MNAT1: variants seen among roughly 807,000 people sequenced by gnomAD.
MNAT1 encodes the protein CDK-activating kinase assembly factor MAT1.
Under a neutral mutation model 42.0 loss-of-function variants are expected in MNAT1, and 43 were observed. The observed-to-expected ratio is 1.02, with a 90% CI of 0.80 to 1.32. MNAT1 has a LOEUF of 1.32. Ranked by LOEUF, MNAT1 falls within the 40% of genes most tolerant of loss-of-function variation. The probability of loss-of-function intolerance (pLI) is 0.00; values close to 1 mark genes in which losing one functional copy is unlikely to be tolerated. For synonymous variants in MNAT1, 118 were observed against 120.0 expected (o/e 0.98, Z 0.11); for missense variants, 306 against 350.4 (o/e 0.87, Z 1.01).
At chr14:60,819,807 A>T (rs1297727548) in intron 6 of MNAT1, among the ~76,000 whole-genome samples, 2 of 152,096 alleles carry the variant, frequency 1.3e-5, no homozygotes, top group African/African-American at 4.8e-5. Flanking sequence ...TGCCTTTCCA[A>T]TAAGCCTTTT....
At chr14:60,766,613 G>A (rs758866908) in intron 1 of MNAT1, among the ~76,000 whole-genome samples, 8 of 151,628 alleles carry the variant, frequency 5.3e-5, no homozygotes, top group Non-Finnish European at 1.0e-4. Flanking sequence ...TCGGGAGGCT[G>A]AGGCACGAGA....
At chr14:60,760,506 T>C (rs2030556667) in intron 1 of MNAT1, among the ~76,000 whole-genome samples, 1 of 152,366 alleles carries the variant, frequency 6.6e-6, no homozygotes, top group South Asian at 2.1e-4. Flanking sequence ...GTCTCCAATA[T>C]GATTGTAAGA....
chr14:60,743,568 C>T (rs967704434), intron 1 of MNAT1, among the ~76,000 whole-genome samples: 7 of 152,208 alleles, frequency 4.6e-5, no homozygotes, highest in African/African-American at 7.2e-5. Flanking sequence ...AGATTACAGG[C>T]GTGAGCCACT....
intron 7 of MNAT1, among the ~76,000 whole-genome samples, chr14:60,948,134 A>G (rs1566574886): frequency 6.6e-6 from 1 of 152,278 alleles, no homozygotes; most frequent in East Asian, 1.9e-4. Context: ...TGTCTGTTTT[A>G]AAAGATACTG....
chr14:60,820,431 C>T (rs886945222), intron 6 of MNAT1, among the ~76,000 whole-genome samples: 1 of 151,850 alleles, frequency 6.6e-6, no homozygotes. Context: ...AGCAGCTGCT[C>T]CTATTTTCTA....
At chr14:60,820,930 TG>T (rs1275821425) in intron 6 of MNAT1, among the ~76,000 whole-genome samples, 12 of 152,228 alleles carry the variant, frequency 7.9e-5, no homozygotes, top group Admixed American at 7.2e-4. Flanking sequence ...AAGAAGTCAA[TG>T]GTAAAATGGA....
chr14:60,882,994 A>G (rs2034584262), intron 7 of MNAT1, among the ~76,000 whole-genome samples: 1 of 152,200 alleles, frequency 6.6e-6, no homozygotes, highest in African/African-American at 2.4e-5. Flanking sequence ...ATGCCTTGTC[A>G]GATGGGTAGT....
In MNAT1 at chr14:60,746,923, TAC is replaced by T. The variant is rs61278549; in HGVS notation, c.89+12026_89+12027del. Among the ~76,000 whole-genome samples the T allele has an allele frequency of 9.8e-3, 250 of 25,600 alleles. 18 individuals are homozygous for T. Among genetic ancestry groups the T allele is most frequent in the African/African-American group, 0.023 (134 of 5,704 alleles). 16.8% of individuals were successfully genotyped at this position (25,600 alleles called of 152,430 possible). A position where few individuals can be genotyped will look rare whatever the true frequency, so the allele number is the denominator to read the frequency against. ...ATATATATATATATATATATATATA[TAC>T]ACACACACACACACACACACACACA... On this transcript the variant is annotated intron_variant, in intron 1 of 7. Transcript: ENST00000261245.
At chr14:60,958,815 A>G (rs2036534871) in intron 7 of MNAT1, among the ~76,000 whole-genome samples, 1 of 151,286 alleles carries the variant, frequency 6.6e-6, no homozygotes, top group African/African-American at 2.4e-5. Context: ...TTCTTTTTGT[A>G]TTTTTGGTAG....
At chr14:60,767,260 G>A (rs913187075) in intron 1 of MNAT1, among the ~76,000 whole-genome samples, 9 of 152,178 alleles carry the variant, frequency 5.9e-5, no homozygotes, top group Non-Finnish European at 4.4e-5. Context: ...GTAGATTTGT[G>A]ACTTATGGTT....
chr14:60,803,223 C>A (rs1385554181), intron 3 of MNAT1, among the ~76,000 whole-genome samples: 2 of 152,152 alleles, frequency 1.3e-5, no homozygotes. Flanking sequence ...GCGTGAGCCA[C>A]CGCACCCAGC....
chr14:60,876,325 C>T (rs756509096), intron 6 of MNAT1, among the ~76,000 whole-genome samples: 5 of 151,976 alleles, frequency 3.3e-5, no homozygotes, highest in Non-Finnish European at 5.9e-5. Flanking sequence ...AAATTTCTGA[C>T]ATTACACTTT....
intron 7 of MNAT1, among the ~76,000 whole-genome samples, chr14:60,924,917 A>T (rs2035734806): frequency 6.6e-6 from 1 of 152,250 alleles, no homozygotes; most frequent in Non-Finnish European, 1.5e-5. Context: ...TATCTGTATA[A>T]TGTAGATTCC....
intron 7 of MNAT1, among the ~76,000 whole-genome samples, chr14:60,881,339 C>T (rs553046717): frequency 2.6e-5 from 4 of 152,198 alleles, no homozygotes; most frequent in Admixed American, 2.0e-4. Flanking sequence ...CATGCACCAC[C>T]ATGCCTGGCT....
At chr14:60,832,579 A>G (rs1332460290) in intron 6 of MNAT1, among the ~76,000 whole-genome samples, 3 of 151,978 alleles carry the variant, frequency 2.0e-5, no homozygotes, top group Non-Finnish European at 4.4e-5. Flanking sequence ...TAGTTACTGT[A>G]GCCTTGTAGT....
chr14:60,898,991 C>G (rs962654342), intron 7 of MNAT1, among the ~76,000 whole-genome samples: 2 of 152,076 alleles, frequency 1.3e-5, no homozygotes, highest in Non-Finnish European at 2.9e-5. Flanking sequence ...CCAATTTTCC[C>G]AGCACCACTT....
chr14:60,787,245 A>G (rs1373598747), intron 1 of MNAT1, among the ~76,000 whole-genome samples: 2 of 152,234 alleles, frequency 1.3e-5, no homozygotes, highest in African/African-American at 4.8e-5. Flanking sequence ...TGTGTCACAC[A>G]AACTTTTTGA....
intron 1 of MNAT1, among the ~76,000 whole-genome samples, chr14:60,793,943 AATT>A (rs1241751929): frequency 2.6e-5 from 4 of 152,148 alleles, no homozygotes; most frequent in South Asian, 2.1e-4. Flanking sequence ...ATACTATTTA[AATT>A]ATTATGACAA....
At chr14:60,773,058 C>T (rs1250081963) in intron 1 of MNAT1, among the ~76,000 whole-genome samples, 1 of 151,828 alleles carries the variant, frequency 6.6e-6, no homozygotes, top group African/African-American at 2.4e-5. Context: ...CTACCTCAGC[C>T]TCCTGAGTAG....
Sources: allele counts gnomAD v4.1 joint callset (sites outside exome capture counted in the v4.1 genomes callset), GRCh38; gene constraint gnomAD v4.1.1; transcripts MANE v1.5; gene names NCBI Gene and HGNC (gene_info 2026-07-23, HGNC 2026-07-21).